The following CACNA2D3 variants were observed in gnomAD, a reference collection of about 807,000 sequenced individuals.
The protein encoded by CACNA2D3 is calcium voltage-gated channel auxiliary subunit alpha2delta 3, also known as voltage-dependent calcium channel subunit alpha-2/delta-3.
A neutral mutation model predicts 160.6 loss-of-function variants in CACNA2D3; 60 were observed. The observed-to-expected ratio is 0.37, with a 90% CI of 0.30 to 0.46. The LOEUF (loss-of-function observed/expected upper bound fraction) is 0.46. Ranked by LOEUF, CACNA2D3 falls within the 20% of genes least tolerant of loss-of-function variation. The pLI, the probability that CACNA2D3 is intolerant of heterozygous loss-of-function variation, is 1.00. For missense variants in CACNA2D3, 1,205 were observed against 1,365.0 expected (o/e 0.88, Z 1.85); for synonymous variants, 558 against 492.9 (o/e 1.13, Z -1.75).
chr3:54,928,519 G>A (rs1006856300), intron 27 of CACNA2D3, among the ~76,000 whole-genome samples: 7 of 152,116 alleles, frequency 4.6e-5, no homozygotes, highest in Non-Finnish European at 4.4e-5. Flanking sequence ...GGTTTGCACC[G>A]TGCACTTCTT....
chr3:54,839,237 G>A (rs968240072), intron 16 of CACNA2D3, among the ~76,000 whole-genome samples: 4 of 152,198 alleles, frequency 2.6e-5, no homozygotes, highest in Non-Finnish European at 2.9e-5. Flanking sequence ...CAGCCTGGGC[G>A]ACAGAGCGAG....
chr3:54,887,054 T>G (rs886621541), intron 23 of CACNA2D3, among the ~76,000 whole-genome samples: 3 of 150,432 alleles, frequency 2.0e-5, no homozygotes, highest in Non-Finnish European at 2.9e-5. Context: ...ACTTACCATG[T>G]CCTCTCATTC....
At chr3:55,018,975 G>T (rs1056139485) in intron 35 of CACNA2D3, among the ~76,000 whole-genome samples, 2 of 147,478 alleles carry the variant, frequency 1.4e-5, no homozygotes, top group Non-Finnish European at 3.0e-5. Context: ...AAGAGATGGG[G>T]TCTTACTGTG....
chr3:54,392,838 C>T (rs2106677764), intron 4 of CACNA2D3, among the ~76,000 whole-genome samples: 1 of 152,276 alleles, frequency 6.6e-6, no homozygotes, highest in Non-Finnish European at 1.5e-5. Context: ...CCCCAGCACT[C>T]AGTGTAGAAC....
chr3:54,192,504 G>A (rs1701001889), intron 2 of CACNA2D3, among the ~76,000 whole-genome samples: 1 of 152,198 alleles, frequency 6.6e-6, no homozygotes, highest in Non-Finnish European at 1.5e-5. Context: ...AGACACCTAA[G>A]GGGGAAGATA....
chr3:54,743,906 G>A (rs886659530), intron 11 of CACNA2D3, among the ~76,000 whole-genome samples: 4 of 152,138 alleles, frequency 2.6e-5, no homozygotes, highest in African/African-American at 4.8e-5. Context: ...TATGGTATTG[G>A]CCAATCAACA....
chr3:54,267,875 A>G (rs756229249), intron 2 of CACNA2D3, among the ~76,000 whole-genome samples: 1 of 152,218 alleles, frequency 6.6e-6, no homozygotes, highest in Non-Finnish European at 1.5e-5. Context: ...ATTCATCCAT[A>G]TAATGATTTT....
rs76836754 is a variant in CACNA2D3 at position 54,505,173 on chromosome 3, T to A, written c.544+1519T>A. ...TCAGTGGAGGCAGTACCCCATTCAT[T>A]AACTGTTCTGATAGTTACTGGGGAT... On this transcript the variant is annotated intron_variant, in intron 5 of 37. Transcript: ENST00000474759. 1.7e-3 allele frequency among the ~76,000 whole-genome samples: 257 copies of A among 152,290 alleles called. 1 individual carries two copies. Among genetic ancestry groups the A allele is most frequent in the Non-Finnish European group, 3.0e-3 (206 of 68,024 alleles).
intron 4 of CACNA2D3, among the ~76,000 whole-genome samples, chr3:54,499,843 T>C (rs1559498484): frequency 6.6e-6 from 1 of 152,264 alleles, no homozygotes; most frequent in South Asian, 2.1e-4. Context: ...CATCTTTACA[T>C]GCTTAAGAAG....
intron 9 of CACNA2D3, among the ~76,000 whole-genome samples, chr3:54,622,196 G>A (rs564254552): frequency 1.3e-5 from 2 of 152,306 alleles, no homozygotes; most frequent in South Asian, 4.1e-4. Flanking sequence ...GAGAACTAAA[G>A]CCACTTGTCT....
chr3:54,731,042 A>G (rs2107013228), intron 11 of CACNA2D3, among the ~76,000 whole-genome samples: 1 of 152,342 alleles, frequency 6.6e-6, no homozygotes, highest in East Asian at 1.9e-4. Flanking sequence ...ACACAGAACT[A>G]GGTTGGTAAT....
Position 55,074,297 on chromosome 3 carries a change from C to T in CACNA2D3, c.*91C>T, listed in dbSNP as rs773677537. The T allele has an allele frequency of 1.8e-4, 176 of 995,604 alleles. No homozygotes were observed. Among genetic ancestry groups the T allele is most frequent in the Admixed American group, 2.7e-4 (16 of 58,606 alleles). The allele number at this position is 995,604 out of a possible 1,614,324, so 61.7% of individuals were successfully genotyped here. A position where few individuals can be genotyped will look rare whatever the true frequency, so the allele number is the denominator to read the frequency against. ...GTGAACCAAAATATGGTGCAACATA[C>T]GAGACATGAATATAGTCCAACCATC... On this transcript the variant is annotated 3_prime_UTR_variant, in exon 38 of 38. Transcript: ENST00000474759.
intron 9 of CACNA2D3, among the ~76,000 whole-genome samples, chr3:54,593,468 GGGAA>G (rs1559521316): frequency 6.6e-6 from 1 of 151,874 alleles, no homozygotes; most frequent in African/African-American, 2.4e-5. Context: ...AACAGAGGGA[GGGAA>G]GGAAGGTGAA....
chr3:54,896,597 G>A (rs1367933037), intron 25 of CACNA2D3, 152 bp from the exon 26 acceptor site: 4 of 780,970 alleles, frequency 5.1e-6, no homozygotes, highest in African/African-American at 3.4e-5. Flanking sequence ...GGGGTGCACA[G>A]TGTTAAGTGA....
intron 4 of CACNA2D3, among the ~76,000 whole-genome samples, chr3:54,421,674 C>T (rs1699838437): frequency 6.6e-6 from 1 of 152,084 alleles, no homozygotes; most frequent in Non-Finnish European, 1.5e-5. Context: ...TAACTGTTTC[C>T]TGCTGCACGG....
intron 2 of CACNA2D3, among the ~76,000 whole-genome samples, chr3:54,165,136 T>TTTTTTAAA (rs1700426817): frequency 7.1e-6 from 1 of 141,180 alleles, no homozygotes. Context: ...TTTTTTTTTG[T>TTTTTTAAA]CAAACAAGAT....
intron 4 of CACNA2D3, among the ~76,000 whole-genome samples, chr3:54,465,796 A>T (rs1175524092): frequency 6.6e-6 from 1 of 152,164 alleles, no homozygotes; most frequent in African/African-American, 2.4e-5. Context: ...ATTATTTCCC[A>T]ATTCTATAAG....
At chr3:54,685,232 C>T (rs939739557) in intron 11 of CACNA2D3, among the ~76,000 whole-genome samples, 1 of 152,094 alleles carries the variant, frequency 6.6e-6, no homozygotes, top group African/African-American at 2.4e-5. Context: ...AAAAGAAAAA[C>T]CGTTCAATTG....
chr3:54,656,032 C>T (rs1007307837), intron 11 of CACNA2D3, among the ~76,000 whole-genome samples: 2 of 152,094 alleles, frequency 1.3e-5, no homozygotes, highest in Non-Finnish European at 2.9e-5. Context: ...ATTAGTAGTG[C>T]CCAGTGTCTA....
Sources: allele counts gnomAD v4.1 joint callset (sites outside exome capture counted in the v4.1 genomes callset), GRCh38; gene constraint gnomAD v4.1.1; transcripts MANE v1.5; gene names NCBI Gene and HGNC (gene_info 2026-07-23, HGNC 2026-07-21).